TYW1: variants seen among roughly 807,000 people sequenced by gnomAD.
TYW1 encodes tRNA-yW synthesizing protein 1 homolog.
Under a neutral mutation model 96.2 loss-of-function variants are expected in TYW1, and 46 were observed. That is an observed-to-expected ratio of 0.48 (90% confidence interval 0.38 to 0.61). The LOEUF is 0.61. Among genes scored for constraint, TYW1 ranks in the 20% least tolerant of loss-of-function variants. The probability of loss-of-function intolerance (pLI) is 0.00; values close to 1 mark genes in which losing one functional copy is unlikely to be tolerated. For synonymous variants in TYW1, 274 were observed against 323.0 expected, an observed-to-expected ratio of 0.85 and a Z score of 1.63; for missense variants, 684 against 909.6, an observed-to-expected ratio of 0.75 and a Z score of 3.19.
Position 67,111,913 on chromosome 7 carries a change from G to A in TYW1, c.1563-5570G>A, listed in dbSNP as rs571560651. On this transcript the variant is annotated intron_variant, in intron 12 of 15. Transcript: ENST00000359626. ...TCAGTTCAAGAACAGCCTGGCCAACGTGGCGAAACGCTGTCTTTACTAAAA... is the reference window on the plus strand; with the variant it reads ...TCAGTTCAAGAACAGCCTGGCCAACATGGCGAAACGCTGTCTTTACTAAAA... Among the ~76,000 whole-genome samples the A allele has an allele frequency of 7.9e-5, 12 of 151,666 alleles. 1 individual carries two copies. The East Asian group carries it at 1.4e-3, about 17-fold the overall frequency.
intron 13 of TYW1, among the ~76,000 whole-genome samples, chr7:67,117,952 C>G (rs1797645242): frequency 6.6e-6 from 1 of 152,078 alleles, no homozygotes; most frequent in South Asian, 2.1e-4. Flanking sequence ...CCATAGATAC[C>G]CAACCCGGAA....
chr7:67,210,462 C>T (rs1431658878), intron 15 of TYW1, among the ~76,000 whole-genome samples: 1 of 152,176 alleles, frequency 6.6e-6, no homozygotes, highest in African/African-American at 2.4e-5. Flanking sequence ...TCATACTGTG[C>T]TCTTTGGGAG....
chr7:67,026,881 G>A (rs938661671), intron 7 of TYW1, among the ~76,000 whole-genome samples: 1 of 152,108 alleles, frequency 6.6e-6, no homozygotes, highest in African/African-American at 2.4e-5. Context: ...TGAAGACCTG[G>A]AGTTTAAAAG....
At chr7:67,207,692 TTGGAGATGGAGTCATTTTGTTTGCC>T in intron 15 of TYW1, among the ~76,000 whole-genome samples, 3 of 148,038 alleles carry the variant, frequency 2.0e-5, no homozygotes, top group Non-Finnish European at 3.0e-5. Flanking sequence ...TTTTTTTTTT[TTGGAGATGGAGTCATTTTGTTTGCC>T]TTTTTTTTTT....
At chr7:67,080,150 C>G (rs1182568901) in intron 10 of TYW1, among the ~76,000 whole-genome samples, 6 of 152,126 alleles carry the variant, frequency 3.9e-5, no homozygotes, top group African/African-American at 1.4e-4. Flanking sequence ...GTGATCTGTC[C>G]AATTCTGAGA....
In TYW1 at chr7:67,180,338, C is replaced by T. The variant is rs567615848; in HGVS notation, c.1699-2788C>T. On this transcript the variant is annotated intron_variant, in intron 13 of 15. Transcript: ENST00000359626. ...ACATGGGTTGGGATTCATTCTGGCCCCCGTGTCCACATTTAACTCACTACC... is the reference window on the plus strand; with the variant it reads ...ACATGGGTTGGGATTCATTCTGGCCTCCGTGTCCACATTTAACTCACTACC... Among the ~76,000 whole-genome samples, 111 of 119,264 alleles carry T rather than the reference C, an allele frequency of 9.3e-4. 19 individuals are homozygous for T. The South Asian group carries it at 0.026, about 28-fold the overall frequency. 78.2% of individuals were successfully genotyped at this position (119,264 alleles called of 152,430 possible). A position where few individuals can be genotyped will look rare whatever the true frequency, so the allele number is the denominator to read the frequency against.
chr7:67,172,926 C>T (rs943584972), intron 13 of TYW1, among the ~76,000 whole-genome samples: 3 of 150,556 alleles, frequency 2.0e-5, no homozygotes, highest in Non-Finnish European at 4.4e-5. Flanking sequence ...TCAAGACCAG[C>T]CTGGGCAACA....
chr7:67,017,752 ATGACCAG>A (rs1332892715), intron 5 of TYW1, 94 bp from the exon 6 acceptor site: 1 of 1,488,104 alleles, frequency 6.7e-7, no homozygotes, highest in African/African-American at 1.4e-5. Context: ...GCGGCAGCCC[ATGACCAG>A]GGGCCTCGGA....
intron 12 of TYW1, among the ~76,000 whole-genome samples, chr7:67,105,457 G>A (rs138147395): frequency 0.032 from 4,815 of 152,314 alleles, 228 homozygotes; most frequent in African/African-American, 0.11. Context: ...TTTTCCTACA[G>A]CCTGTTTATC....
intron 13 of TYW1, among the ~76,000 whole-genome samples, chr7:67,170,668 C>G (rs1799488932): frequency 6.6e-6 from 1 of 152,134 alleles, no homozygotes; most frequent in African/African-American, 2.4e-5. Flanking sequence ...CTCCCCATAC[C>G]TCGTAAACCA....
intron 13 of TYW1, among the ~76,000 whole-genome samples, chr7:67,127,640 C>T (rs1158818638): frequency 1.3e-5 from 2 of 152,028 alleles, no homozygotes; most frequent in Admixed American, 6.5e-5. Context: ...TATTTTACTC[C>T]TTCTCTGATG....
chr7:67,200,036 C>G (rs1320878929), intron 15 of TYW1, among the ~76,000 whole-genome samples: 1 of 152,206 alleles, frequency 6.6e-6, no homozygotes, highest in Admixed American at 6.5e-5. Context: ...ATAGTTGTTA[C>G]TGCTGCTTTT....
chr7:67,197,737 CCAG>C (rs1180333324), intron 15 of TYW1, among the ~76,000 whole-genome samples: 1 of 152,086 alleles, frequency 6.6e-6, no homozygotes, highest in African/African-American at 2.4e-5. Context: ...GCATCTGACT[CCAG>C]AGCCTGTATT....
intron 10 of TYW1, among the ~76,000 whole-genome samples, chr7:67,081,151 T>C (rs1340816709): frequency 6.7e-6 from 1 of 149,240 alleles, no homozygotes; most frequent in Non-Finnish European, 1.5e-5. Flanking sequence ...ATGAATTCCC[T>C]CAGTTTTTAC....
intron 15 of TYW1, among the ~76,000 whole-genome samples, chr7:67,222,215 GAAAAA>G (rs992659215): frequency 1.3e-5 from 2 of 151,828 alleles, no homozygotes; most frequent in South Asian, 4.2e-4. Flanking sequence ...AAAAAGAAAA[GAAAAA>G]AATATAGAGT....
At chr7:67,201,776 C>T (rs539050975) in intron 15 of TYW1, among the ~76,000 whole-genome samples, 6 of 152,324 alleles carry the variant, frequency 3.9e-5, no homozygotes, top group South Asian at 2.1e-4. Flanking sequence ...TATACCCTAA[C>T]GTGGAGGTTT....
At chr7:67,180,047 G>C (rs1315302905) in intron 13 of TYW1, among the ~76,000 whole-genome samples, 1 of 129,378 alleles carries the variant, frequency 7.7e-6, no homozygotes, top group Non-Finnish European at 1.6e-5. Context: ...GGCTGGTCTC[G>C]AATTCCTGGC....
chr7:67,047,580 AT>A, intron 7 of TYW1, among the ~76,000 whole-genome samples: 1 of 151,216 alleles, frequency 6.6e-6, no homozygotes, highest in Non-Finnish European at 1.5e-5. Flanking sequence ...TTTGCCTTGC[AT>A]TTTGATTATA....
At chr7:67,039,281 C>T (rs935104750) in intron 7 of TYW1, among the ~76,000 whole-genome samples, 4 of 151,868 alleles carry the variant, frequency 2.6e-5, no homozygotes, top group Non-Finnish European at 5.9e-5. Context: ...ACAATGAAAC[C>T]CCATCTCTAC....
Sources: allele counts gnomAD v4.1 joint callset (sites outside exome capture counted in the v4.1 genomes callset), GRCh38; gene constraint gnomAD v4.1.1; transcripts MANE v1.5; gene names NCBI Gene and HGNC (gene_info 2026-07-23, HGNC 2026-07-21).